SEMA5A: variants seen among roughly 807,000 people sequenced by gnomAD.
SEMA5A encodes the protein semaphorin-5A.
SEMA5A carries 55 observed loss-of-function variants against 135.5 expected under a neutral mutation model. That is an observed-to-expected ratio of 0.41 (90% CI 0.33 to 0.51). The LOEUF is 0.51. Ranked by LOEUF, SEMA5A falls within the 20% of genes least tolerant of loss-of-function variation. SEMA5A has a pLI of 0.37. For missense variants in SEMA5A, 1,290 were observed against 1,419.9 expected, an observed-to-expected ratio of 0.91 and a Z score of 1.47; for synonymous variants, 580 against 546.5, an observed-to-expected ratio of 1.06 and a Z score of -0.85.
chr5:9,173,847 T>A (rs1744062656), intron 11 of SEMA5A, among the ~76,000 whole-genome samples: 1 of 152,090 alleles, frequency 6.6e-6, no homozygotes, highest in African/African-American at 2.4e-5. Context: ...GGAACAGCAT[T>A]GCCCCTAGGG....
rs1310045501 is a variant in SEMA5A, at chr5:9,042,047, T to G, written c.*850A>C. ...TCTATCCAAACGCTAAGTAAGTGGT[T>G]GGTTATTTTACAGACTGGCTCTTCA... On this transcript the variant is annotated 3_prime_UTR_variant, in exon 23 of 23. Coordinates refer to ENST00000382496, the MANE Select transcript of SEMA5A (RefSeq NM_003966.3). 6.6e-6 allele frequency: 1 copy of G among 152,186 alleles called. No homozygotes were observed. Among genetic ancestry groups the G allele is most frequent in the Non-Finnish European group, 1.5e-5 (1 of 68,022 alleles). 9.4% of individuals were successfully genotyped at this position (152,186 alleles called of 1,614,324 possible). A position where few individuals can be genotyped will look rare whatever the true frequency, so the allele number is the denominator to read the frequency against.
intron 2 of SEMA5A, among the ~76,000 whole-genome samples, chr5:9,426,521 C>T (rs1472546560): frequency 6.7e-6 from 1 of 150,012 alleles, no homozygotes; most frequent in African/African-American, 2.5e-5. Context: ...TGTTTAATGA[C>T]TTGCTCTGAG....
intron 2 of SEMA5A, among the ~76,000 whole-genome samples, chr5:9,424,598 C>G (rs958718848): frequency 6.6e-6 from 1 of 152,144 alleles, no homozygotes; most frequent in Non-Finnish European, 1.5e-5. Flanking sequence ...GAAATGAAAG[C>G]CTTCAACTCA....
chr5:9,463,945 G>A (rs531348807), intron 1 of SEMA5A, among the ~76,000 whole-genome samples: 1 of 152,256 alleles, frequency 6.6e-6, no homozygotes, highest in South Asian at 2.1e-4. Flanking sequence ...ACACTCTAAA[G>A]GCGAAATCCA....
intron 1 of SEMA5A, chr5:9,517,319 T>C (rs2126862147): frequency 6.6e-6 from 1 of 152,352 alleles, no homozygotes; most frequent in East Asian, 1.9e-4. Flanking sequence ...GAAAAGGGAA[T>C]TGGCTCCAAG....
chr5:9,120,411 T>G (rs1740749880), intron 14 of SEMA5A, among the ~76,000 whole-genome samples: 2 of 152,110 alleles, frequency 1.3e-5, no homozygotes, highest in Admixed American at 1.3e-4. Context: ...GAATATTTCA[T>G]GTTTTCCTAC....
intron 21 of SEMA5A, among the ~76,000 whole-genome samples, chr5:9,044,829 G>A (rs956627503): frequency 2.0e-5 from 3 of 152,094 alleles, no homozygotes; most frequent in African/African-American, 7.2e-5. Flanking sequence ...TTGTTGCCCA[G>A]GCTGGAGTGC....
At chr5:9,285,486 A>G (rs1750752363) in intron 5 of SEMA5A, among the ~76,000 whole-genome samples, 1 of 152,212 alleles carries the variant, frequency 6.6e-6, no homozygotes, top group South Asian at 2.1e-4. Context: ...GTCTCTCAAC[A>G]TACTAACATA....
chr5:9,123,021 G>A (rs1050374344), intron 13 of SEMA5A, among the ~76,000 whole-genome samples, 184 bp from the exon 14 acceptor site: 5 of 151,936 alleles, frequency 3.3e-5, no homozygotes, highest in African/African-American at 4.8e-5. Context: ...TCAGGAGGCC[G>A]AGACGGGCAG....
intron 1 of SEMA5A, among the ~76,000 whole-genome samples, chr5:9,466,284 G>GT (rs1489642683): frequency 6.6e-6 from 1 of 151,536 alleles, no homozygotes; most frequent in Non-Finnish European, 1.5e-5. Context: ...ACGAGTTACT[G>GT]GGTGCAGCAC....
chr5:9,267,542 C>G (rs1176810813), intron 5 of SEMA5A, among the ~76,000 whole-genome samples: 1 of 152,102 alleles, frequency 6.6e-6, no homozygotes, highest in African/African-American at 2.4e-5. Flanking sequence ...TTCTTATTTA[C>G]AGACCCTGAA....
At chr5:9,147,986 C>T (rs576174080) in intron 12 of SEMA5A, among the ~76,000 whole-genome samples, 17 of 152,296 alleles carry the variant, frequency 1.1e-4, no homozygotes, top group African/African-American at 3.1e-4. Context: ...AGAGGAAGCC[C>T]AGGCTTTGGG....
In SEMA5A at chr5:9,318,387, A is replaced by G. The variant is rs139644938; in HGVS notation, c.255T>C (p.Asp85=). ...TTGCACCTACCTGGATAAGAGACAG[A>G]TCCTCAAGCTGTAACCTGAAGAGGT... ...RNYLFRLQLE[D]LSLIQAVEWE... Residue 85 remains aspartate (D), a synonymous_variant, in exon 5 of 23, where the codon GAT becomes GAC. Coordinates refer to ENST00000382496, the MANE Select transcript of SEMA5A (RefSeq NM_003966.3). 30 of 1,612,802 alleles carry G rather than the reference A, an allele frequency of 1.9e-5. No individual in the cohort carries two copies. The African/African-American group carries it at 3.3e-4, about 18-fold the overall frequency.
chr5:9,162,564 G>GTATGTATATATATATATATATA (rs1553995446), intron 11 of SEMA5A, among the ~76,000 whole-genome samples: 3 of 84,056 alleles, frequency 3.6e-5, no homozygotes, highest in Admixed American at 1.2e-4. Context: ...GTGTGTGTGT[G>GTATGTATATATATATATATATA]TATATATATA....
At chr5:9,197,349 C>A (rs1046151353) in intron 9 of SEMA5A, 46 bp from the exon 10 acceptor site, 2 of 1,596,302 alleles carry the variant, frequency 1.3e-6, no homozygotes, top group Non-Finnish European at 1.7e-6. Context: ...AGCTCGGCAG[C>A]ACCTGCTGAC....
chr5:9,488,917 A>G (rs929852564), intron 1 of SEMA5A, among the ~76,000 whole-genome samples: 1 of 152,210 alleles, frequency 6.6e-6, no homozygotes, highest in Non-Finnish European at 1.5e-5. Flanking sequence ...AGTCAACACC[A>G]TCTTCTTCTC....
At chr5:9,201,668 C>A (rs1335639977) in intron 9 of SEMA5A, among the ~76,000 whole-genome samples, 2 of 152,104 alleles carry the variant, frequency 1.3e-5, no homozygotes, top group East Asian at 3.9e-4. Flanking sequence ...AACACAATGG[C>A]AAATCAGGAA....
intron 2 of SEMA5A, among the ~76,000 whole-genome samples, chr5:9,432,828 T>TC (rs1195193145): frequency 6.6e-6 from 1 of 152,208 alleles, no homozygotes; most frequent in Non-Finnish European, 1.5e-5. Context: ...TTAAGTTAGC[T>TC]ACAAGAATGA....
At chr5:9,534,853 A>C (rs1737668605) in intron 1 of SEMA5A, among the ~76,000 whole-genome samples, 1 of 152,182 alleles carries the variant, frequency 6.6e-6, no homozygotes, top group Non-Finnish European at 1.5e-5. Flanking sequence ...GCCTACCTCA[A>C]TAGACAATTC....
Sources: gnomAD v4.1 joint callset for allele counts (sites outside exome capture counted in the v4.1 genomes callset) on GRCh38, gnomAD v4.1.1 for gene constraint, MANE v1.5 for transcripts, NCBI Gene and HGNC (gene_info 2026-07-23, HGNC 2026-07-21) for gene names.